THADA: variants seen among roughly 807,000 people sequenced by gnomAD.
The protein encoded by THADA is THADA armadillo repeat containing.
A neutral mutation model predicts 219.8 loss-of-function variants in THADA; 213 were observed. That is an observed-to-expected ratio of 0.97 (90% CI 0.87 to 1.09). The LOEUF is 1.09. THADA is among the 50% of genes least tolerant of loss of function. The probability of loss-of-function intolerance (pLI) is 0.00; values close to 1 mark genes in which losing one functional copy is unlikely to be tolerated. For synonymous variants in THADA, 1,018 were observed against 828.9 expected, an observed-to-expected ratio of 1.23 and a Z score of -3.92; for missense variants, 2,956 against 2,311.3, an observed-to-expected ratio of 1.28 and a Z score of -5.72.
At chr2:43,429,162 CAG>C (rs1362200117) in intron 27 of THADA, among the ~76,000 whole-genome samples, 16 of 150,116 alleles carry the variant, frequency 1.1e-4, no homozygotes, top group Non-Finnish European at 1.8e-4. Flanking sequence ...AGCTGGAGTG[CAG>C]TGGCAAGATC....
At chr2:43,584,398 C>G (rs1026055098) in intron 7 of THADA, among the ~76,000 whole-genome samples, 1 of 151,824 alleles carries the variant, frequency 6.6e-6, no homozygotes, top group African/African-American at 2.4e-5. Context: ...TTAAGCAGTT[C>G]AAACGAACAA....
At chr2:43,333,999 T>C (rs1379303668) in intron 30 of THADA, among the ~76,000 whole-genome samples, 1 of 152,198 alleles carries the variant, frequency 6.6e-6, no homozygotes, top group East Asian at 1.9e-4. Flanking sequence ...TTTTCAGCTG[T>C]TGTAAAGCAA....
At chr2:43,464,240 G>T (rs1008641491) in intron 26 of THADA, among the ~76,000 whole-genome samples, 6 of 151,832 alleles carry the variant, frequency 4.0e-5, no homozygotes, top group Non-Finnish European at 7.4e-5. Context: ...TAGTAGCTTT[G>T]AGCAACTATA....
intron 29 of THADA, among the ~76,000 whole-genome samples, chr2:43,387,748 C>T (rs1672873757): frequency 6.6e-6 from 1 of 152,202 alleles, no homozygotes; most frequent in African/African-American, 2.4e-5. Context: ...TGCTACCAAA[C>T]ACACCACATT....
chr2:43,511,702 A>G (rs903176705), intron 22 of THADA, among the ~76,000 whole-genome samples: 1 of 152,104 alleles, frequency 6.6e-6, no homozygotes, highest in Non-Finnish European at 1.5e-5. Flanking sequence ...GTCTCCACAC[A>G]TATCCCTATT....
chr2:43,306,807 G>C (rs1354718343), intron 31 of THADA, among the ~76,000 whole-genome samples: 1 of 152,208 alleles, frequency 6.6e-6, no homozygotes. Context: ...ATGAGCCTGG[G>C]AGTCAGGATC....
At chr2:43,572,611 A>T (rs887634416) in intron 12 of THADA, among the ~76,000 whole-genome samples, 2 of 152,124 alleles carry the variant, frequency 1.3e-5, no homozygotes, top group African/African-American at 4.8e-5. Flanking sequence ...GTTTTATGTA[A>T]GTTTTCTTAC....
intron 26 of THADA, among the ~76,000 whole-genome samples, chr2:43,436,758 T>C (rs1374048813): frequency 2.0e-5 from 3 of 152,348 alleles, no homozygotes; most frequent in East Asian, 3.9e-4. Context: ...ATGGAGGCAC[T>C]ATCAACATAT....
In THADA at chr2:43,501,682, G is replaced by A. The variant is rs189862891; in HGVS notation, c.3622-2727C>T. Reference sequence around the variant, plus strand: ...TTTTAGGCCAGGTGTGGTGGCTCACGCCTGTAATCCCAGCACTTTGGGAGG... The same window carrying A: ...TTTTAGGCCAGGTGTGGTGGCTCACACCTGTAATCCCAGCACTTTGGGAGG... On this transcript the variant is annotated intron_variant, in intron 24 of 37. Transcript: ENST00000405975. Among the ~76,000 whole-genome samples, 5 of 152,286 alleles carry A rather than the reference G, an allele frequency of 3.3e-5. No individual in the cohort carries two copies. The East Asian group carries it at 5.8e-4, about 18-fold the overall frequency.
chr2:43,556,072 T>C, intron 17 of THADA: 1 of 722,448 alleles, frequency 1.4e-6, no homozygotes, highest in Non-Finnish European at 1.8e-6. Context: ...AAAAGCACAC[T>C]TTTGGTGGAG....
chr2:43,420,411 A>G (rs1353959563), intron 28 of THADA, among the ~76,000 whole-genome samples: 1 of 152,252 alleles, frequency 6.6e-6, no homozygotes, highest in East Asian at 1.9e-4. Context: ...TGTTTAACAA[A>G]TACTTGGTTA....
At chr2:43,552,034 A>T in intron 18 of THADA, 109 bp from the exon 19 acceptor site, 2 of 1,550,130 alleles carry the variant, frequency 1.3e-6, no homozygotes, top group South Asian at 2.5e-5. Context: ...TCAATACATA[A>T]AACATGTGAG....
intron 31 of THADA, among the ~76,000 whole-genome samples, chr2:43,315,691 T>A (rs1678001139): frequency 6.6e-6 from 1 of 152,168 alleles, no homozygotes; most frequent in Non-Finnish European, 1.5e-5. Flanking sequence ...TATCTCGAAC[T>A]CCTGGCCTCA....
intron 22 of THADA, among the ~76,000 whole-genome samples, chr2:43,518,941 A>G (rs1012120396): frequency 6.6e-6 from 1 of 151,942 alleles, no homozygotes; most frequent in Non-Finnish European, 1.5e-5. Context: ...TGTATTTCCA[A>G]CTGTCTGCTA....
intron 12 of THADA, 63 bp from the exon 13 acceptor site, chr2:43,571,925 G>T: frequency 1.3e-6 from 2 of 1,529,542 alleles, no homozygotes; most frequent in South Asian, 1.2e-5. Flanking sequence ...TAAATCACTT[G>T]AATTGCTTAC....
intron 15 of THADA, chr2:43,565,139 T>C (rs1022428298): frequency 6.6e-6 from 1 of 152,114 alleles, no homozygotes; most frequent in African/African-American, 2.4e-5. Context: ...TTGCAAAATA[T>C]TAATAACTGA....
intron 20 of THADA, among the ~76,000 whole-genome samples, chr2:43,543,773 C>G (rs184161583): frequency 6.6e-6 from 1 of 152,062 alleles, no homozygotes; most frequent in Admixed American, 6.5e-5. Flanking sequence ...GCATATTAGC[C>G]CTTTGTCAGA....
intron 9 of THADA, among the ~76,000 whole-genome samples, chr2:43,577,984 T>C (rs1206811207): frequency 3.9e-5 from 6 of 152,136 alleles, no homozygotes; most frequent in Non-Finnish European, 8.8e-5. Flanking sequence ...ATGTTTATAG[T>C]GATTATCTTT....
At chr2:43,543,068 C>A (rs887934162) in intron 20 of THADA, among the ~76,000 whole-genome samples, 57 of 140,860 alleles carry the variant, frequency 4.0e-4, no homozygotes, top group Non-Finnish European at 6.6e-4. Flanking sequence ...TGTTCCCCTT[C>A]CTGTGCCCAT....
Sources: gnomAD v4.1 joint callset for allele counts (sites outside exome capture counted in the v4.1 genomes callset) on GRCh38, gnomAD v4.1.1 for gene constraint, MANE v1.5 for transcripts, NCBI Gene and HGNC (gene_info 2026-07-23, HGNC 2026-07-21) for gene names.